AXDND1: variants seen among roughly 807,000 people sequenced by gnomAD.
AXDND1 encodes axonemal dynein light chain domain-containing protein 1.
In AXDND1, 110 loss-of-function variants were observed where a neutral mutation model predicts 137.5. The ratio of observed to expected loss-of-function variants is 0.80; its 90% confidence interval spans 0.69 to 0.94. The LOEUF is 0.94. Ranked by LOEUF, AXDND1 falls within the 40% of genes least tolerant of loss-of-function variation. The pLI, the probability that AXDND1 is intolerant of heterozygous loss-of-function variation, is 0.00. For synonymous variants in AXDND1, 414 were observed against 399.7 expected, an observed-to-expected ratio of 1.04 and a Z score of -0.43; for missense variants, 1,191 against 1,169.8, an observed-to-expected ratio of 1.02 and a Z score of -0.26.
intron 4 of AXDND1, among the ~76,000 whole-genome samples, chr1:179,372,824 C>T (rs573646996): frequency 6.6e-6 from 1 of 152,162 alleles, no homozygotes; most frequent in East Asian, 1.9e-4. Flanking sequence ...GCTGGGACTA[C>T]AGGCATGCAC....
intron 11 of AXDND1, among the ~76,000 whole-genome samples, chr1:179,403,660 G>A (rs989446868): frequency 3.3e-5 from 5 of 152,154 alleles, no homozygotes; most frequent in Non-Finnish European, 5.9e-5. Flanking sequence ...TGCAGCCTCC[G>A]CCTCCTGAAT....
intron 9 of AXDND1, 126 bp from the exon 10 acceptor site, chr1:179,393,777 T>G (rs1244872855): frequency 1.1e-5 from 7 of 636,756 alleles, no homozygotes; most frequent in Non-Finnish European, 1.7e-5. Flanking sequence ...TTTCTTGATT[T>G]GATTCTCAGC....
At chr1:179,472,693 G>A (rs933888737) in intron 17 of AXDND1, among the ~76,000 whole-genome samples, 4 of 152,052 alleles carry the variant, frequency 2.6e-5, no homozygotes, top group East Asian at 3.8e-4. Context: ...AGGTGCACAC[G>A]TTTATAATTG....
intron 17 of AXDND1, among the ~76,000 whole-genome samples, chr1:179,473,996 G>A (rs1330319308): frequency 3.3e-5 from 5 of 152,088 alleles, no homozygotes; most frequent in African/African-American, 9.7e-5. Context: ...GGCCAACGTG[G>A]GCGGATCACC....
At chr1:179,463,242 T>G (rs1662625967) in intron 16 of AXDND1, among the ~76,000 whole-genome samples, 1 of 152,250 alleles carries the variant, frequency 6.6e-6, no homozygotes, top group South Asian at 2.1e-4. Flanking sequence ...TCCTGCTTTC[T>G]GTTGTGGGCA....
chr1:179,473,779 C>A (rs981363870), intron 17 of AXDND1, among the ~76,000 whole-genome samples: 1 of 152,132 alleles, frequency 6.6e-6, no homozygotes, highest in African/African-American at 2.4e-5. Context: ...TGGCATTTCC[C>A]CTGCCTGCAC....
At chr1:179,473,266 T>G (rs12133023) in intron 17 of AXDND1, among the ~76,000 whole-genome samples, 69,283 of 151,782 alleles carry the variant, frequency 0.46, 16,683 homozygotes, top group East Asian at 0.76. Context: ...GAGGCCAAGA[T>G]GGGGGTGGAT....
intron 15 of AXDND1, among the ~76,000 whole-genome samples, chr1:179,433,428 C>T (rs764884556): frequency 3.3e-5 from 5 of 152,126 alleles, no homozygotes; most frequent in African/African-American, 4.8e-5. Context: ...TTTGCTTTTG[C>T]TTCTCCAGTT....
At chr1:179,376,782 C>T (rs1647335260) in intron 4 of AXDND1, among the ~76,000 whole-genome samples, 1 of 152,106 alleles carries the variant, frequency 6.6e-6, no homozygotes, top group Admixed American at 6.6e-5. Flanking sequence ...GGGACTGTGT[C>T]TATTTTAAGA....
intron 21 of AXDND1, among the ~76,000 whole-genome samples, chr1:179,518,058 G>T (rs1669708311): frequency 6.6e-6 from 1 of 152,178 alleles, no homozygotes; most frequent in Admixed American, 6.5e-5. Flanking sequence ...AATATCTGAA[G>T]TGACAGAGAA....
chr1:179,414,812 C>T (rs1272884869), intron 12 of AXDND1, among the ~76,000 whole-genome samples: 3 of 151,962 alleles, frequency 2.0e-5, no homozygotes, highest in Non-Finnish European at 4.4e-5. Flanking sequence ...TTATAAAACC[C>T]ATCTGGAAGA....
chr1:179,509,101 C>T (rs543036469), intron 20 of AXDND1, among the ~76,000 whole-genome samples, 195 bp from the exon 21 acceptor site: 1 of 152,180 alleles, frequency 6.6e-6, no homozygotes, highest in Non-Finnish European at 1.5e-5. Flanking sequence ...AGATCCCACA[C>T]CGTGTCAATA....
intron 14 of AXDND1, among the ~76,000 whole-genome samples, chr1:179,431,361 C>T (rs975636928): frequency 3.3e-5 from 5 of 151,944 alleles, no homozygotes; most frequent in Admixed American, 1.3e-4. Context: ...AGGCTGATCT[C>T]GAACTCCTGG....
At position 179,492,908 on chromosome 1, in the gene AXDND1, A is replaced by C. The variant is rs1393356114; in HGVS notation, c.2345A>C (p.His782Pro). The C allele has an allele frequency of 1.2e-6, 2 of 1,611,948 alleles. No individual in the cohort carries two copies. The highest frequency in any genetic ancestry group is 1.3e-5 in the African/African-American group (1 of 74,872). Residue 782 changes from histidine (H) to proline (P), a missense_variant, in exon 20 of 26, where the codon CAC (histidine) becomes CCC (proline). Transcript: ENST00000367618. ...GCTCTGAGTAAATCCACTAACTCAC[A>C]CAAAAATGCTACTGAAGACCTTTAT... ...AMALSKSTNSHKNATEDLYEV... is the reference protein window; with the variant it reads ...AMALSKSTNSPKNATEDLYEV...
At chr1:179,547,091 G>C (rs1463201133) in intron 25 of AXDND1, among the ~76,000 whole-genome samples, 1 of 152,200 alleles carries the variant, frequency 6.6e-6, no homozygotes, top group Non-Finnish European at 1.5e-5. Flanking sequence ...CTAGATCACT[G>C]TCTGGGTATT....
intron 20 of AXDND1, among the ~76,000 whole-genome samples, chr1:179,505,623 G>A (rs1668464538): frequency 6.6e-6 from 1 of 151,178 alleles, no homozygotes; most frequent in South Asian, 2.1e-4. Context: ...ATTCCAGCCT[G>A]GGCAACAGAG....
intron 17 of AXDND1, among the ~76,000 whole-genome samples, chr1:179,473,977 A>G (rs1263969464): frequency 6.6e-6 from 1 of 152,110 alleles, no homozygotes; most frequent in Non-Finnish European, 1.5e-5. Context: ...TAATCCTAAC[A>G]TTTTGGGAGG....
At chr1:179,410,087 GTTT>G (rs747472202) in intron 11 of AXDND1, among the ~76,000 whole-genome samples, 1 of 151,526 alleles carries the variant, frequency 6.6e-6, no homozygotes, top group East Asian at 1.9e-4. Context: ...ACCTGTATAA[GTTT>G]TTTTTTATTA....
At chr1:179,400,203 A>G (rs955991305) in intron 11 of AXDND1, among the ~76,000 whole-genome samples, 2 of 152,202 alleles carry the variant, frequency 1.3e-5, no homozygotes, top group African/African-American at 4.8e-5. Context: ...GTGGATAAAA[A>G]AACTGTGGTG....
Sources: allele counts gnomAD v4.1 joint callset (sites outside exome capture counted in the v4.1 genomes callset), GRCh38; gene constraint gnomAD v4.1.1; transcripts MANE v1.5; gene names NCBI Gene and HGNC (gene_info 2026-07-23, HGNC 2026-07-21).